HGD: variants seen among roughly 807,000 people sequenced by gnomAD.
HGD encodes the protein homogentisate 1,2-dioxygenase.
HGD carries 61 observed loss-of-function variants against 60.8 expected under a neutral mutation model. The observed-to-expected ratio is 1.00, with a 90% CI of 0.82 to 1.24. The LOEUF is 1.24. Among genes scored for constraint, HGD ranks in the 50% most tolerant of loss-of-function variants. The pLI is 0.00. For missense variants in HGD, 542 were observed against 547.1 expected, an observed-to-expected ratio of 0.99 and a Z score of 0.09; for synonymous variants, 212 against 187.7, an observed-to-expected ratio of 1.13 and a Z score of -1.06.
intron 4 of HGD, among the ~76,000 whole-genome samples, chr3:120,658,051 A>G (rs941574841): frequency 2.0e-5 from 3 of 152,166 alleles, no homozygotes; most frequent in Admixed American, 1.3e-4. Flanking sequence ...AAATTTGGGT[A>G]GGGACACAGA....
intron 5 of HGD, among the ~76,000 whole-genome samples, chr3:120,651,923 AC>A (rs1390819646): frequency 1.3e-5 from 2 of 152,326 alleles, no homozygotes; most frequent in South Asian, 4.1e-4. Flanking sequence ...TTTTATATTT[AC>A]TTTTGCTAAT....
chr3:120,663,822 T>G (rs1312832864), intron 4 of HGD, among the ~76,000 whole-genome samples: 1 of 152,116 alleles, frequency 6.6e-6, no homozygotes, highest in East Asian at 1.9e-4. Flanking sequence ...ATCAAAAATA[T>G]CTACACTCAA....
At chr3:120,657,358 G>T (rs1049615137) in intron 4 of HGD, among the ~76,000 whole-genome samples, 2 of 152,184 alleles carry the variant, frequency 1.3e-5, no homozygotes, top group Admixed American at 6.5e-5. Flanking sequence ...GAAAATATTA[G>T]ATAATTGGCC....
At chr3:120,680,688 G>A (rs1370048059) in intron 1 of HGD, among the ~76,000 whole-genome samples, 1 of 152,032 alleles carries the variant, frequency 6.6e-6, no homozygotes, top group Non-Finnish European at 1.5e-5. Context: ...CCACTCCCCT[G>A]AAATCCAGAT....
Position 120,644,325 on chromosome 3 carries a change from G to A in HGD, c.768C>T (p.Ala256=). 6.2e-7 allele frequency: 1 copy of A among 1,613,942 alleles called. No homozygotes were observed. Among genetic ancestry groups the A allele is most frequent in the Non-Finnish European group, 8.5e-7 (1 of 1,179,980 alleles). ...GCCAACCCTTTTACTTTACCTGTTT[G>A]GCAGCAAACAGCTTGCCCTGGTATT... ...INKYQGKLFA[A]KQDVSPFNVV... Residue 256 remains alanine (A), a synonymous_variant, in exon 10 of 14, where the codon GCC becomes GCT. Transcript: ENST00000283871.
At chr3:120,680,423 T>C (rs1025827265) in intron 1 of HGD, among the ~76,000 whole-genome samples, 1 of 152,198 alleles carries the variant, frequency 6.6e-6, no homozygotes, top group African/African-American at 2.4e-5. Context: ...AAGAATGCCT[T>C]TGAAACTGAG....
intron 4 of HGD, among the ~76,000 whole-genome samples, chr3:120,661,534 G>A (rs1003009900): frequency 2.0e-5 from 3 of 152,154 alleles, no homozygotes; most frequent in African/African-American, 7.2e-5. Flanking sequence ...CAAGGAAGTG[G>A]ATCAGTGCAA....
chr3:120,636,199 G>A (rs1235086821), intron 12 of HGD, among the ~76,000 whole-genome samples: 1 of 150,996 alleles, frequency 6.6e-6, no homozygotes, highest in Non-Finnish European at 1.5e-5. Context: ...AGGATCACTT[G>A]AGCCTGGGGG....
chr3:120,636,138 G>C (rs1050122941), intron 12 of HGD, among the ~76,000 whole-genome samples: 12 of 147,402 alleles, frequency 8.1e-5, no homozygotes, highest in African/African-American at 2.5e-5. Flanking sequence ...AAAAAAGCCA[G>C]GTGTGGTGGT....
intron 12 of HGD, chr3:120,633,538 T>G (rs907180056): frequency 2.3e-5 from 35 of 1,490,460 alleles, no homozygotes; most frequent in Non-Finnish European, 2.7e-5. Context: ...TCCATGGCCA[T>G]GTGGATTATC....
intron 10 of HGD, among the ~76,000 whole-genome samples, chr3:120,643,733 T>C (rs138208946): frequency 1.2e-4 from 19 of 152,328 alleles, no homozygotes; most frequent in African/African-American, 4.3e-4. Context: ...ATATATTCAG[T>C]ACATTTAGTA....
At chr3:120,659,979 G>A (rs947442344) in intron 4 of HGD, among the ~76,000 whole-genome samples, 7 of 151,776 alleles carry the variant, frequency 4.6e-5, no homozygotes, top group African/African-American at 9.7e-5. Flanking sequence ...GATTTCTCAC[G>A]AATGGCTTAG....
At chr3:120,642,650 T>C (rs1212115562) in intron 10 of HGD, among the ~76,000 whole-genome samples, 1 of 152,214 alleles carries the variant, frequency 6.6e-6, no homozygotes. Flanking sequence ...GAAGCGTGCA[T>C]ATCAGCTTTT....
At chr3:120,672,210 T>C (rs1270268860) in intron 3 of HGD, among the ~76,000 whole-genome samples, 1 of 152,226 alleles carries the variant, frequency 6.6e-6, no homozygotes, top group Non-Finnish European at 1.5e-5. Context: ...CCATGTTTTA[T>C]TGTAGTACAT....
At position 120,670,422 on chromosome 3, in the gene HGD, G is replaced by T. The variant is rs182510026; in HGVS notation, c.282+5C>A. 18 of 1,469,310 alleles carry T rather than the reference G, an allele frequency of 1.2e-5. No individual in the cohort carries two copies. Among genetic ancestry groups the T allele is most frequent in the South Asian group, 2.3e-5 (2 of 88,338 alleles). 91.0% of individuals were successfully genotyped at this position (1,469,310 alleles called of 1,614,324 possible). A position where few individuals can be genotyped will look rare whatever the true frequency, so the allele number is the denominator to read the frequency against. On this transcript the variant is annotated splice_donor_5th_base_variant and intron_variant, in intron 4 of 13. Transcript: ENST00000283871. The stretch of plus-strand genomic sequence containing the variant: ...GATAAGCTTCAATTCACAGGACCAG[G>T]TTACCTGGTTAGGATCAGGATCAAC...
At chr3:120,674,364 G>A (rs1708082509) in intron 3 of HGD, among the ~76,000 whole-genome samples, 1 of 152,182 alleles carries the variant, frequency 6.6e-6, no homozygotes, top group African/African-American at 2.4e-5. Flanking sequence ...AAATGAATAT[G>A]CTGGTTTCTA....
At chr3:120,647,440 G>A (rs954221830) in intron 7 of HGD, among the ~76,000 whole-genome samples, 1 of 152,182 alleles carries the variant, frequency 6.6e-6, no homozygotes, top group Non-Finnish European at 1.5e-5. Flanking sequence ...AAACCATCAA[G>A]TATAATAGGC....
chr3:120,670,547 A>G lies in HGD; in HGVS notation c.177-15T>C. ...TATACAGCCAGCTAGAGGGAAAAAC[A>G]TACAAGATATACAAGCCTTAGAGTA... is the stretch of plus-strand genomic sequence containing the variant. On this transcript the variant is annotated splice_polypyrimidine_tract_variant and intron_variant, in intron 3 of 13. Transcript: ENST00000283871. 1 of 1,292,166 alleles carries G rather than the reference A, an allele frequency of 7.7e-7. No individual in the cohort carries two copies. 80.0% of individuals were successfully genotyped at this position (1,292,166 alleles called of 1,614,324 possible).
At chr3:120,670,605 A>T in intron 3 of HGD, 73 bp from the exon 4 acceptor site, 1 of 871,226 alleles carries the variant, frequency 1.1e-6, no homozygotes, top group Non-Finnish European at 2.0e-6. Flanking sequence ...TGGCTCAGGC[A>T]GTACCATCAG....
Sources: gnomAD v4.1 joint callset for allele counts (sites outside exome capture counted in the v4.1 genomes callset) on GRCh38, gnomAD v4.1.1 for gene constraint, MANE v1.5 for transcripts, NCBI Gene and HGNC (gene_info 2026-07-23, HGNC 2026-07-21) for gene names.